Variants in VRK2 observed in about 807,000 individuals in gnomAD.
VRK2 encodes serine/threonine-protein kinase VRK2.
Under a neutral mutation model 57.6 loss-of-function variants are expected in VRK2, and 60 were observed. The ratio of observed to expected loss-of-function variants is 1.04; its 90% confidence interval spans 0.85 to 1.29. The LOEUF (loss-of-function observed/expected upper bound fraction) is 1.29, where lower values mean the gene tolerates loss of function less well. Ranked by LOEUF, VRK2 falls within the 50% of genes most tolerant of loss-of-function variation. VRK2 has a pLI of 0.00. For missense variants in VRK2, 705 were observed against 588.1 expected, an observed-to-expected ratio of 1.20 and a Z score of -2.06; for synonymous variants, 231 against 199.2, an observed-to-expected ratio of 1.16 and a Z score of -1.35.
intron 1 of VRK2, among the ~76,000 whole-genome samples, chr2:57,980,574 G>A (rs1022977741): frequency 5.9e-5 from 9 of 151,960 alleles, no homozygotes; most frequent in Admixed American, 2.0e-4. Context: ...ATCAAATTTC[G>A]GTACTGAATA....
intron 1 of VRK2, among the ~76,000 whole-genome samples, chr2:57,955,126 A>G (rs1442651413): frequency 6.6e-6 from 1 of 152,184 alleles, no homozygotes; most frequent in Admixed American, 6.5e-5. Context: ...AAAGAAATGA[A>G]GAGCATTGTT....
chr2:58,108,779 C>T (rs1573148058), intron 7 of VRK2, among the ~76,000 whole-genome samples: 1 of 152,148 alleles, frequency 6.6e-6, no homozygotes, highest in Non-Finnish European at 1.5e-5. Flanking sequence ...TGTAGATGTG[C>T]TTATGCCATC....
rs1252756549 is a variant in VRK2, at chr2:58,159,570, T to C, written c.1404T>C (p.Thr468=). 1 of 1,613,874 alleles carries C rather than the reference T, an allele frequency of 6.2e-7. No individual in the cohort carries two copies. The highest frequency in any genetic ancestry group is 8.5e-7 in the Non-Finnish European group (1 of 1,179,828). The change falls in exon 13 of 13, where the codon ACT becomes ACC. Residue 468 remains threonine (T), a synonymous_variant. Transcript: ENST00000340157. The part of the protein sequence containing the change: ...STGITDLESS[T]GLWPTISQFT... ...GGATCACAGACTTAGAAAGTTCAACTGGACTTTGGCCTACAATTTCCCAGT... is the reference window on the plus strand; with the variant it reads ...GGATCACAGACTTAGAAAGTTCAACCGGACTTTGGCCTACAATTTCCCAGT...
intron 10 of VRK2, among the ~76,000 whole-genome samples, chr2:58,136,844 T>TGTGTATA (rs1491534065): frequency 7.5e-6 from 1 of 133,884 alleles, no homozygotes; most frequent in Non-Finnish European, 1.5e-5. Context: ...ATCATATATA[T>TGTGTATA]TATATCATAT....
At chr2:58,021,535 T>C (rs1673755775) in intron 1 of VRK2, among the ~76,000 whole-genome samples, 1 of 152,222 alleles carries the variant, frequency 6.6e-6, no homozygotes, top group South Asian at 2.1e-4. Context: ...AAAAATACTA[T>C]GACCGTTTAT....
At chr2:58,047,281 C>T (rs147043070) in intron 1 of VRK2, 9 of 390,168 alleles carry the variant, frequency 2.3e-5, no homozygotes, top group Non-Finnish European at 3.1e-5. Context: ...GGTCAGGGGC[C>T]GCGGCGGGGT....
At chr2:57,909,453 C>G (rs1435496802) in intron 1 of VRK2, among the ~76,000 whole-genome samples, 1 of 147,588 alleles carries the variant, frequency 6.8e-6, no homozygotes, top group East Asian at 2.0e-4. Context: ...AAATATTCAG[C>G]CTGAGTGTAT....
At chr2:58,100,642 T>G (rs1234731883) in intron 7 of VRK2, among the ~76,000 whole-genome samples, 1 of 151,842 alleles carries the variant, frequency 6.6e-6, no homozygotes, top group Non-Finnish European at 1.5e-5. Context: ...ATTAATAGGA[T>G]TATTTTAAAA....
intron 1 of VRK2, among the ~76,000 whole-genome samples, chr2:57,983,207 C>G (rs1244186063): frequency 6.6e-6 from 1 of 152,174 alleles, no homozygotes; most frequent in East Asian, 1.9e-4. Context: ...TGAAGCTCTT[C>G]CTGGCTGTAT....
At chr2:57,992,592 A>C (rs955611861) in intron 1 of VRK2, among the ~76,000 whole-genome samples, 1 of 152,010 alleles carries the variant, frequency 6.6e-6, no homozygotes, top group Non-Finnish European at 1.5e-5. Context: ...TGCGGACTGC[A>C]GTGGCGCAAT....
In VRK2 at chr2:58,114,717, C is replaced by G. The variant is rs540082762; in HGVS notation, c.544-8384C>G. ...CACTGAATACTGAGAGCCTGAAAAA[C>G]TGCTTGGCTGATTTGACTAATAAAG... On this transcript the variant is annotated intron_variant, in intron 7 of 12. Coordinates refer to ENST00000340157, the MANE Select transcript of VRK2 (RefSeq NM_006296.7). Among the ~76,000 whole-genome samples the G allele has an allele frequency of 2.2e-3, 278 of 123,948 alleles. 4 individuals are homozygous for G. The highest frequency in any genetic ancestry group is 7.9e-3 in the African/African-American group (268 of 34,120). 81.3% of individuals were successfully genotyped at this position (123,948 alleles called of 152,430 possible).
At chr2:58,002,584 T>C (rs528548667) in intron 1 of VRK2, among the ~76,000 whole-genome samples, 1 of 152,162 alleles carries the variant, frequency 6.6e-6, no homozygotes, top group South Asian at 2.1e-4. Flanking sequence ...CTGCAGAGGA[T>C]TATTTTTTTT....
At chr2:58,156,613 G>GTTTTGTTTTGT (rs1553430676) in intron 12 of VRK2, among the ~76,000 whole-genome samples, 66 of 145,542 alleles carry the variant, frequency 4.5e-4, no homozygotes, top group African/African-American at 1.7e-3. Flanking sequence ...GTTTTGTTTT[G>GTTTTGTTTTGT]TTTTTGCCTG....
intron 1 of VRK2, among the ~76,000 whole-genome samples, chr2:57,933,927 TGTGACCATGAA>T (rs1670822452): frequency 6.6e-6 from 1 of 152,186 alleles, no homozygotes; most frequent in Non-Finnish European, 1.5e-5. Flanking sequence ...TTGTTTGTTT[TGTGACCATGAA>T]GTTTAAATAA....
intron 2 of VRK2, among the ~76,000 whole-genome samples, chr2:58,080,888 G>A (rs571719912): frequency 2.1e-4 from 32 of 151,794 alleles, no homozygotes; most frequent in Non-Finnish European, 3.4e-4. Context: ...ATGTACATAT[G>A]TGCAGCCCAT....
chr2:58,098,278 G>T (rs1331874354), intron 7 of VRK2, among the ~76,000 whole-genome samples: 1 of 152,036 alleles, frequency 6.6e-6, no homozygotes, highest in Non-Finnish European at 1.5e-5. Flanking sequence ...GGTATGGTAA[G>T]CTAAGGTTAA....
At chr2:57,948,284 C>A (rs888594808) in intron 1 of VRK2, among the ~76,000 whole-genome samples, 7 of 152,178 alleles carry the variant, frequency 4.6e-5, no homozygotes, top group African/African-American at 1.7e-4. Flanking sequence ...TTAACATTTT[C>A]TTTCTGTCCT....
intron 1 of VRK2, among the ~76,000 whole-genome samples, chr2:57,918,801 T>G (rs1157326490): frequency 6.6e-6 from 1 of 152,148 alleles, no homozygotes; most frequent in Non-Finnish European, 1.5e-5. Context: ...AATCATGCTC[T>G]GAAATCTGTG....
chr2:57,964,273 G>T (rs1490212642), intron 1 of VRK2, among the ~76,000 whole-genome samples: 1 of 152,066 alleles, frequency 6.6e-6, no homozygotes, highest in Non-Finnish European at 1.5e-5. Flanking sequence ...GTAAGCTAGA[G>T]AAAAGAAAAA....
Sources: allele counts gnomAD v4.1 joint callset (sites outside exome capture counted in the v4.1 genomes callset), GRCh38; gene constraint gnomAD v4.1.1; transcripts MANE v1.5; gene names NCBI Gene and HGNC (gene_info 2026-07-23, HGNC 2026-07-21).